Variants in PEAK1 observed in about 807,000 individuals in gnomAD.
The protein encoded by PEAK1 is inactive tyrosine-protein kinase PEAK1.
In PEAK1, 54 loss-of-function variants were observed where a neutral mutation model predicts 124.7. That is an observed-to-expected ratio of 0.43 (90% CI 0.35 to 0.54). The LOEUF is 0.54. PEAK1 is among the 20% of genes least tolerant of loss of function. PEAK1 has a pLI of 0.01. For missense variants in PEAK1, 2,046 were observed against 2,134.5 expected (o/e 0.96, Z 0.82); for synonymous variants, 719 against 760.0 (o/e 0.95, Z 0.89).
Position 77,346,452 on chromosome 15 carries a change from A to T in PEAK1, c.-603+18711T>A, listed in dbSNP as rs1383738036. On this transcript the variant is annotated intron_variant, in intron 2 of 9. Coordinates refer to ENST00000682557, the MANE Select transcript of PEAK1 (RefSeq NM_001385026.1). ...GATCAGTCCCTTGGGGGAGAGGCCA[A>T]CTCAAGCAGGACTGAAGCAGCTGTT... 5.1e-6 allele frequency: 5 copies of T among 985,242 alleles called. No individual in the cohort carries two copies. In the African/African-American group the frequency reaches 8.7e-5, roughly 17 times the overall value. The allele number at this position is 985,242 out of a possible 1,614,324, so 61.0% of individuals were successfully genotyped here.
intron 5 of PEAK1, among the ~76,000 whole-genome samples, chr15:77,261,696 T>C (rs940747794): frequency 1.3e-5 from 2 of 152,124 alleles, no homozygotes; most frequent in Admixed American, 1.3e-4. Flanking sequence ...CAGGATATTA[T>C]CCAGGAGAAC....
At chr15:77,408,550 A>C (rs2072129459) in intron 1 of PEAK1, among the ~76,000 whole-genome samples, 1 of 150,722 alleles carries the variant, frequency 6.6e-6, no homozygotes. Flanking sequence ...TTAAAAAAAA[A>C]AACAGTCTAG....
chr15:77,121,388 C>T (rs577772255), intron 9 of PEAK1, among the ~76,000 whole-genome samples: 3 of 152,266 alleles, frequency 2.0e-5, no homozygotes, highest in Admixed American at 1.3e-4. Flanking sequence ...CTTATTTACT[C>T]GGAACAGGTA....
At chr15:77,393,131 G>A (rs536769539) in intron 1 of PEAK1, among the ~76,000 whole-genome samples, 1 of 152,330 alleles carries the variant, frequency 6.6e-6, no homozygotes, top group Admixed American at 6.5e-5. Flanking sequence ...CTGAGTTCCA[G>A]AGAGCCTTGC....
chr15:77,317,793 T>C (rs1052622256), intron 2 of PEAK1, among the ~76,000 whole-genome samples: 1 of 152,174 alleles, frequency 6.6e-6, no homozygotes, highest in Non-Finnish European at 1.5e-5. Context: ...GTTAGGCAAA[T>C]GTTTATTGTA....
At chr15:77,158,870 T>A (rs1029004740) in intron 7 of PEAK1, among the ~76,000 whole-genome samples, 174 bp from the exon 8 acceptor site, 6 of 152,212 alleles carry the variant, frequency 3.9e-5, no homozygotes, top group African/African-American at 1.4e-4. Flanking sequence ...TTACCTTGAT[T>A]CACACATATT....
Position 77,159,273 on chromosome 15 carries a change from A to G in PEAK1, c.3138-577T>C, listed in dbSNP as rs540702660. Among the ~76,000 whole-genome samples, 415 of 152,278 alleles carry G rather than the reference A, an allele frequency of 2.7e-3. 1 individual carries two copies. The highest frequency in any genetic ancestry group is 9.7e-3 in the African/African-American group (402 of 41,544). On this transcript the variant is annotated intron_variant, in intron 7 of 9. Transcript: ENST00000682557. ...TGTTGCCAAGAGAATAGAAGCATCA[A>G]CCTTTGCCTGTCTGCATGCAGCAGG... is the stretch of plus-strand genomic sequence containing the variant.
At chr15:77,322,715 T>A (rs1213349717) in intron 2 of PEAK1, among the ~76,000 whole-genome samples, 1 of 152,206 alleles carries the variant, frequency 6.6e-6, no homozygotes, top group East Asian at 1.9e-4. Context: ...GAGGAGCTGG[T>A]ACCATTCCTT....
chr15:77,223,664 A>T (rs906804985), intron 6 of PEAK1, among the ~76,000 whole-genome samples: 2 of 152,048 alleles, frequency 1.3e-5, no homozygotes, highest in Non-Finnish European at 2.9e-5. Context: ...TAGTGGGAAG[A>T]ATGGTAATGC....
chr15:77,233,707 C>A (rs1488924515), intron 6 of PEAK1, among the ~76,000 whole-genome samples: 4 of 152,050 alleles, frequency 2.6e-5, no homozygotes, highest in Non-Finnish European at 5.9e-5. Context: ...TTTGTATAAC[C>A]GTCTTCTTGA....
intron 5 of PEAK1, among the ~76,000 whole-genome samples, chr15:77,264,047 T>C (rs1263741399): frequency 6.6e-6 from 1 of 152,098 alleles, no homozygotes; most frequent in Non-Finnish European, 1.5e-5. Flanking sequence ...TTTGACAAAA[T>C]TCAACAACCC....
At chr15:77,332,972 C>T (rs2065983501) in intron 2 of PEAK1, 1 of 774,800 alleles carries the variant, frequency 1.3e-6, no homozygotes, top group Non-Finnish European at 1.6e-6. Flanking sequence ...CTATTCATGA[C>T]TGCTCCTTTT....
chr15:77,317,836 A>G (rs2064968892), intron 2 of PEAK1, among the ~76,000 whole-genome samples: 1 of 152,226 alleles, frequency 6.6e-6, no homozygotes, highest in Admixed American at 6.5e-5. Context: ...TAATTACTAA[A>G]AAGAACACCA....
intron 5 of PEAK1, among the ~76,000 whole-genome samples, chr15:77,257,503 C>T (rs1487893354): frequency 6.6e-6 from 1 of 150,418 alleles, no homozygotes; most frequent in Non-Finnish European, 1.5e-5. Flanking sequence ...TTTCATGTGT[C>T]TTTTGGCTGC....
At chr15:77,378,333 C>T (rs1308058684) in intron 1 of PEAK1, among the ~76,000 whole-genome samples, 1 of 151,932 alleles carries the variant, frequency 6.6e-6, no homozygotes, top group African/African-American at 2.4e-5. Context: ...AAGATCATCT[C>T]TCTCTCTTTG....
intron 2 of PEAK1, among the ~76,000 whole-genome samples, chr15:77,364,250 A>G (rs1242400024): frequency 6.6e-6 from 1 of 152,170 alleles, no homozygotes. Flanking sequence ...TGATGGTTGC[A>G]CATCTCTGTA....
chr15:77,393,367 G>A (rs1410205213), intron 1 of PEAK1, among the ~76,000 whole-genome samples: 1 of 152,168 alleles, frequency 6.6e-6, no homozygotes, highest in Non-Finnish European at 1.5e-5. Flanking sequence ...CTTGCAGTTT[G>A]GGGAGAGGCT....
At chr15:77,400,754 A>C (rs925184026) in intron 1 of PEAK1, among the ~76,000 whole-genome samples, 1 of 152,194 alleles carries the variant, frequency 6.6e-6, no homozygotes, top group African/African-American at 2.4e-5. Context: ...ATAAAACTAC[A>C]TATATACACT....
chr15:77,390,808 G>A (rs2070388038), intron 1 of PEAK1, among the ~76,000 whole-genome samples: 1 of 152,152 alleles, frequency 6.6e-6, no homozygotes. Context: ...ACAGTGCCAG[G>A]ATTTCAACAA....
Sources: gnomAD v4.1 joint callset for allele counts (sites outside exome capture counted in the v4.1 genomes callset) on GRCh38, gnomAD v4.1.1 for gene constraint, MANE v1.5 for transcripts, NCBI Gene and HGNC (gene_info 2026-07-23, HGNC 2026-07-21) for gene names.